DIAPH2: variants seen among roughly 807,000 people sequenced by gnomAD.
DIAPH2 encodes diaphanous related formin 2.
A neutral mutation model predicts 92.7 loss-of-function variants in DIAPH2; 35 were observed. That is an observed-to-expected ratio of 0.38 (90% CI 0.29 to 0.50). The LOEUF (loss-of-function observed/expected upper bound fraction) is 0.50, where lower values mean the gene tolerates loss of function less well. Among genes scored for constraint, DIAPH2 ranks in the 20% least tolerant of loss-of-function variants. The pLI is 0.94. For missense variants in DIAPH2, 701 were observed against 819.5 expected (o/e 0.86, Z 1.77); for synonymous variants, 301 against 280.4 (o/e 1.07, Z -0.73).
chrX:97,033,306 A>G (rs2066388813), intron 17 of DIAPH2, among the ~76,000 whole-genome samples: 1 of 111,801 alleles, frequency 8.9e-6, no homozygotes, highest in Admixed American at 9.5e-5. Flanking sequence ...AAATCCTCAC[A>G]TTCACAGTGT....
chrX:97,032,538 TA>T (rs2066382939), intron 17 of DIAPH2, among the ~76,000 whole-genome samples: 1 of 110,282 alleles, frequency 9.1e-6, no homozygotes, highest in South Asian at 4.0e-4. Context: ...CTATTAATAA[TA>T]ATAGCCATTA....
At chrX:97,551,406 A>G (rs1363447698) in intron 26 of DIAPH2, among the ~76,000 whole-genome samples, 2 of 110,154 alleles carry the variant, frequency 1.8e-5, no homozygotes, top group African/African-American at 6.6e-5. Flanking sequence ...CCTGGCCAAC[A>G]TGGTGAAAAC....
chrX:97,393,130 A>T (rs753679681), intron 25 of DIAPH2, among the ~76,000 whole-genome samples: 9 of 111,217 alleles, frequency 8.1e-5, no homozygotes, highest in African/African-American at 2.9e-4. Flanking sequence ...TACAAGGAGG[A>T]TGTAGCTGGA....
chrX:96,900,211 G>A (rs1321815010), intron 5 of DIAPH2, among the ~76,000 whole-genome samples: 2 of 111,585 alleles, frequency 1.8e-5, no homozygotes, highest in Non-Finnish European at 3.8e-5. Context: ...GTATATTCCT[G>A]AGTGCTTTTT....
intron 17 of DIAPH2, among the ~76,000 whole-genome samples, chrX:97,043,727 C>T (rs2066462287): frequency 9.0e-6 from 1 of 111,377 alleles, no homozygotes; most frequent in South Asian, 3.7e-4. Context: ...ATATACTTAC[C>T]ATCTAGTGAG....
At chrX:97,217,051 A>G (rs1313767138) in intron 22 of DIAPH2, among the ~76,000 whole-genome samples, 1 of 111,935 alleles carries the variant, frequency 8.9e-6, no homozygotes, top group Non-Finnish European at 1.9e-5. Flanking sequence ...CATGAAAAAA[A>G]TTATGCTATA....
At chrX:97,522,943 A>C (rs896120478) in intron 26 of DIAPH2, among the ~76,000 whole-genome samples, 1 of 112,018 alleles carries the variant, frequency 8.9e-6, no homozygotes, top group Non-Finnish European at 1.9e-5. Context: ...ATAATGCAAG[A>C]CTTTTAACAC....
intron 26 of DIAPH2, among the ~76,000 whole-genome samples, chrX:97,505,971 A>G (rs1262449638): frequency 9.1e-6 from 1 of 109,460 alleles, no homozygotes; most frequent in Non-Finnish European, 1.9e-5. Flanking sequence ...TTAACAACCA[A>G]CCTTGCAAGA....
chrX:96,754,425 A>G (rs1049985532), intron 3 of DIAPH2, among the ~76,000 whole-genome samples: 13 of 112,106 alleles, frequency 1.2e-4, no homozygotes, highest in African/African-American at 4.2e-4. Context: ...AGCCTAGCAT[A>G]GTTTCTGGTG....
chrX:97,553,015 T>TTAAAGGCCCTATCTG (rs2071231621), intron 26 of DIAPH2, among the ~76,000 whole-genome samples: 2 of 111,877 alleles, frequency 1.8e-5, no homozygotes, highest in African/African-American at 6.5e-5. Flanking sequence ...AATTACTACT[T>TTAAAGGCCCTATCTG]TAAAGGCCCT....
chrX:97,567,176 CTTCT>C (rs1218972954), intron 26 of DIAPH2, among the ~76,000 whole-genome samples: 1 of 111,844 alleles, frequency 8.9e-6, no homozygotes, highest in Non-Finnish European at 1.9e-5. Flanking sequence ...TTGTACTTCC[CTTCT>C]TTATCTACTG....
At chrX:96,944,297 C>T (rs1485705564) in intron 13 of DIAPH2, among the ~76,000 whole-genome samples, 3 of 111,950 alleles carry the variant, frequency 2.7e-5, no homozygotes, top group Admixed American at 1.9e-4. Flanking sequence ...TGTTCTTTGA[C>T]TTCGTCATTT....
At chrX:97,507,447 C>T (rs1031523155) in intron 26 of DIAPH2, among the ~76,000 whole-genome samples, 2 of 111,037 alleles carry the variant, frequency 1.8e-5, no homozygotes, top group Non-Finnish European at 3.8e-5. Flanking sequence ...CTTGTCAAGA[C>T]ATTTTATTCT....
At chrX:96,720,870 G>A (rs2063984604) in intron 1 of DIAPH2, among the ~76,000 whole-genome samples, 1 of 111,537 alleles carries the variant, frequency 9.0e-6, no homozygotes, top group Non-Finnish European at 1.9e-5. Flanking sequence ...CTGTACCCTA[G>A]AATGATGTAA....
intron 25 of DIAPH2, among the ~76,000 whole-genome samples, chrX:97,393,253 A>C (rs766547666): frequency 8.9e-6 from 1 of 111,801 alleles, no homozygotes; most frequent in Non-Finnish European, 1.9e-5. Context: ...AAAAAATTTC[A>C]TAAAGGAGAT....
In DIAPH2 at chrX:96,974,441, A is replaced by G. The variant is rs1463082701; in HGVS notation, c.2050+9234A>G. On this transcript the variant is annotated intron_variant, in intron 17 of 26. Transcript: ENST00000324765. ...TAAATATCAGTAGACTAGGTAAGATATGATGATATCCTGACTAGTATGAAT... is the reference window on the plus strand; with the variant it reads ...TAAATATCAGTAGACTAGGTAAGATGTGATGATATCCTGACTAGTATGAAT... 3.6e-5 allele frequency among the ~76,000 whole-genome samples: 4 copies of G among 111,483 alleles called. No individual in the cohort carries two copies. The Admixed American group carries it at 3.8e-4, about 11-fold the overall frequency.
intron 17 of DIAPH2, among the ~76,000 whole-genome samples, chrX:97,066,928 G>A: frequency 8.9e-6 from 1 of 111,837 alleles, no homozygotes; most frequent in Middle Eastern, 4.6e-3. Context: ...CATTAGTCTT[G>A]TTTAATGTGC....
rs1308643203 is a variant in DIAPH2 at position 97,599,557 on chromosome X, T to TATC, written c.*243_*245dup. The TATC allele has an allele frequency of 1.5e-5, 3 of 200,097 alleles. No individual in the cohort carries two copies. The highest frequency in any genetic ancestry group is 1.3e-4 in the East Asian group (1 of 7,826). The allele number at this position is 200,097 out of a possible 1,213,427, so 16.5% of individuals were successfully genotyped here. A position where few individuals can be genotyped will look rare whatever the true frequency, so the allele number is the denominator to read the frequency against. On this transcript the variant is annotated 3_prime_UTR_variant, in exon 27 of 27. Transcript: ENST00000324765. ...TGTTCCATTTTAGTGTAAAGATGTG[T>TATC]ATCATTTGTAATTGTGTGTGACCTG...
rs556809717 is a variant in DIAPH2, at chrX:97,113,031, C to G, written c.2350-1695C>G. On this transcript the variant is annotated intron_variant, in intron 20 of 26. Coordinates refer to ENST00000324765, the MANE Select transcript of DIAPH2 (RefSeq NM_006729.5). ...CTGACCTCAAGTGATCCTCCTGCCTCTGCCTCCCAAAGTGCTAGGTTTACA... is the reference window on the plus strand; with the variant it reads ...CTGACCTCAAGTGATCCTCCTGCCTGTGCCTCCCAAAGTGCTAGGTTTACA... Among the ~76,000 whole-genome samples, 4 of 109,885 alleles carry G rather than the reference C, an allele frequency of 3.6e-5. No individual in the cohort carries two copies. In the South Asian group the frequency reaches 1.6e-3, roughly 44 times the overall value.
Sources: gnomAD v4.1 joint callset for allele counts (sites outside exome capture counted in the v4.1 genomes callset) on GRCh38, gnomAD v4.1.1 for gene constraint, MANE v1.5 for transcripts, NCBI Gene and HGNC (gene_info 2026-07-23, HGNC 2026-07-21) for gene names.